ADGRF1: variants seen among roughly 807,000 people sequenced by gnomAD.
The protein encoded by ADGRF1 is adhesion G protein-coupled receptor F1.
ADGRF1 carries 85 observed loss-of-function variants against 87.2 expected under a neutral mutation model. The ratio of observed to expected loss-of-function variants is 0.97; its 90% confidence interval spans 0.82 to 1.17. The LOEUF (loss-of-function observed/expected upper bound fraction) is 1.17. Ranked by LOEUF, ADGRF1 falls within the 50% of genes most tolerant of loss-of-function variation. ADGRF1 has a pLI of 0.00. For synonymous variants in ADGRF1, 430 were observed against 408.8 expected, an observed-to-expected ratio of 1.05 and a Z score of -0.63; for missense variants, 1,169 against 1,077.2, an observed-to-expected ratio of 1.09 and a Z score of -1.19.
At chr6:47,041,963 C>G (rs1359802977) in intron 1 of ADGRF1, among the ~76,000 whole-genome samples, 1 of 152,046 alleles carries the variant, frequency 6.6e-6, no homozygotes, top group African/African-American at 2.4e-5. Flanking sequence ...AAATCTGGAG[C>G]TTGAGCCTCA....
At chr6:47,026,450 C>T (rs1780238395) in intron 3 of ADGRF1, among the ~76,000 whole-genome samples, 1 of 151,620 alleles carries the variant, frequency 6.6e-6, no homozygotes, top group African/African-American at 2.4e-5. Flanking sequence ...AGAGCCCTTT[C>T]TTCTCCTGTG....
At chr6:47,010,903 C>A (rs1257660554) in intron 10 of ADGRF1, among the ~76,000 whole-genome samples, 1 of 152,196 alleles carries the variant, frequency 6.6e-6, no homozygotes, top group South Asian at 2.1e-4. Flanking sequence ...GTTTGAGATT[C>A]ATTTTCCAAG....
intron 2 of ADGRF1, 54 bp downstream of exon 2, chr6:47,028,939 G>T: frequency 1.4e-6 from 2 of 1,423,732 alleles, no homozygotes; most frequent in South Asian, 1.1e-5. Flanking sequence ...AAAAGTGCCG[G>T]AACGAGAGAG....
At chr6:47,006,843 C>T (rs918337434) in intron 12 of ADGRF1, among the ~76,000 whole-genome samples, 6 of 152,174 alleles carry the variant, frequency 3.9e-5, no homozygotes, top group Non-Finnish European at 8.8e-5. Flanking sequence ...TTAACACTTA[C>T]TGTTTAAAAC....
intron 7 of ADGRF1, chr6:47,018,125 G>T: frequency 4.5e-6 from 1 of 221,772 alleles, no homozygotes; most frequent in Non-Finnish European, 9.0e-6. Flanking sequence ...ATCCCAGCTG[G>T]AAAACCAAGT....
chr6:47,024,321 C>T (rs759287201), intron 4 of ADGRF1, 104 bp from the exon 5 acceptor site: 293 of 818,368 alleles, frequency 3.6e-4, no homozygotes, highest in Non-Finnish European at 5.1e-4. Flanking sequence ...GATTAACTTC[C>T]TACATCTTCT....
In ADGRF1 at chr6:47,025,878, T is replaced by C. The variant is rs1207026329; in HGVS notation, c.253A>G (p.Ile85Val). ...CCTGTGGTAGCCTTTGCTCTGATAA[T>C]TCTAATTAGCCCATGTGACCATAAT... is the stretch of plus-strand genomic sequence containing the variant. ...PLLWSHGLIR[I>V]IRAKATTDCN... Residue 85 changes from isoleucine (I) to valine (V), a missense_variant, in exon 4 of 15, where the codon ATT becomes GTT. Transcript: ENST00000371253. 2.5e-6 allele frequency: 4 copies of C among 1,606,350 alleles called. No individual in the cohort carries two copies. The highest frequency in any genetic ancestry group is 3.4e-6 in the Non-Finnish European group (4 of 1,176,526).
At chr6:47,001,598 A>T (rs779383177) in intron 13 of ADGRF1, 31 bp from the exon 14 acceptor site, 7 of 1,549,454 alleles carry the variant, frequency 4.5e-6, no homozygotes, top group Non-Finnish European at 6.2e-6. Context: ...TCATTTGGAC[A>T]TTAATAGCAT....
At position 47,009,071 on chromosome 6, in the gene ADGRF1, G is replaced by T. The variant is rs148063712; in HGVS notation, c.2364C>A (p.Arg788=). The T allele has an allele frequency of 2.6e-4, 419 of 1,614,034 alleles. 2 individuals are homozygous for T. Among genetic ancestry groups the T allele is most frequent in the South Asian group, 2.5e-3 (226 of 91,078 alleles). Reference sequence around the variant, plus strand: ...TCAGAATGAGGAGGCTCTTCCCCACGCGGATGATGGTGGCCTTGTCATCCC... The same window carrying T: ...TCAGAATGAGGAGGCTCTTCCCCACTCGGATGATGGTGGCCTTGTCATCCC... ...LSRDDKATII[R]VGKSLLILTP... The change falls in exon 11 of 15, where the codon CGC becomes CGA. Residue 788 remains arginine (R), a synonymous_variant. Transcript: ENST00000371253.
At chr6:47,039,893 T>G (rs1470472084) in intron 1 of ADGRF1, among the ~76,000 whole-genome samples, 1 of 151,628 alleles carries the variant, frequency 6.6e-6, no homozygotes, top group Non-Finnish European at 1.5e-5. Context: ...ACCTGGGATG[T>G]GGAGGTTGAG....
intron 1 of ADGRF1, among the ~76,000 whole-genome samples, chr6:47,030,208 G>C (rs1361498893): frequency 2.6e-5 from 4 of 152,218 alleles, no homozygotes; most frequent in Non-Finnish European, 5.9e-5. Flanking sequence ...AACTACCATA[G>C]AGGTGGCCTA....
At position 47,016,663 on chromosome 6, in the gene ADGRF1, G is replaced by T; in HGVS notation, c.717C>A (p.His239Gln). ...AGCCGTCTTCTAATGGAAACAGCTT[G>T]TGAAGGGCTGTCTTAGCCTTCTCGG... ...HVAEKAKTAL[H>Q]KLFPLEDGSF... The change falls in exon 8 of 15, where the codon CAC (histidine) becomes CAA (glutamine). Residue 239 changes from histidine to glutamine, a missense_variant. Coordinates refer to ENST00000371253, the MANE Select transcript of ADGRF1 (RefSeq NM_153840.4). The T allele has an allele frequency of 1.2e-6, 2 of 1,611,296 alleles. No homozygotes were observed. Among genetic ancestry groups the T allele is most frequent in the Middle Eastern group, 1.7e-4 (1 of 6,052 alleles).
At chr6:47,027,441 A>G (rs910600951) in intron 3 of ADGRF1, among the ~76,000 whole-genome samples, 19 of 152,336 alleles carry the variant, frequency 1.2e-4, no homozygotes, top group Admixed American at 2.6e-4. Flanking sequence ...CATTAATTAC[A>G]TTGTTAGAAT....
chr6:47,034,768 C>T (rs1357113457), intron 1 of ADGRF1, among the ~76,000 whole-genome samples: 1 of 152,198 alleles, frequency 6.6e-6, no homozygotes, highest in Non-Finnish European at 1.5e-5. Context: ...GTTTCATTGA[C>T]TGGTTGTGCC....
At chr6:47,038,900 C>T (rs1367436275) in intron 1 of ADGRF1, among the ~76,000 whole-genome samples, 2 of 152,108 alleles carry the variant, frequency 1.3e-5, no homozygotes, top group Non-Finnish European at 2.9e-5. Context: ...AGAGACGAAG[C>T]ATAGGAAAGT....
At chr6:47,023,061 C>T (rs1483618358) in intron 5 of ADGRF1, among the ~76,000 whole-genome samples, 6 of 152,102 alleles carry the variant, frequency 3.9e-5, no homozygotes, top group African/African-American at 1.2e-4. Flanking sequence ...GCAATCAGCC[C>T]GCCTTAGGCT....
At chr6:47,004,309 C>T (rs1352791499) in intron 13 of ADGRF1, among the ~76,000 whole-genome samples, 1 of 152,174 alleles carries the variant, frequency 6.6e-6, no homozygotes, top group Admixed American at 6.5e-5. Flanking sequence ...TATAAATGCA[C>T]ATATTTTCTT....
chr6:47,027,308 C>T (rs1343523186), intron 3 of ADGRF1, among the ~76,000 whole-genome samples: 2 of 152,156 alleles, frequency 1.3e-5, no homozygotes, highest in African/African-American at 4.8e-5. Context: ...TGTAGACTGA[C>T]CCGGGAACCT....
chr6:47,024,254 GT>G, intron 4 of ADGRF1, 37 bp from the exon 5 acceptor site: 1 of 1,503,656 alleles, frequency 6.7e-7, no homozygotes, highest in South Asian at 1.2e-5. Flanking sequence ...ATGGATTCTG[GT>G]TTATAAACTG....
Sources: gnomAD v4.1 joint callset for allele counts (sites outside exome capture counted in the v4.1 genomes callset) on GRCh38, gnomAD v4.1.1 for gene constraint, MANE v1.5 for transcripts, NCBI Gene and HGNC (gene_info 2026-07-23, HGNC 2026-07-21) for gene names.